The following SYT1 variants were observed in gnomAD, a reference collection of about 807,000 sequenced individuals.
The protein encoded by SYT1 is synaptotagmin-1.
A neutral mutation model predicts 44.8 loss-of-function variants in SYT1; 8 were observed. The observed-to-expected ratio is 0.18, with a 90% CI of 0.10 to 0.32. SYT1 has a LOEUF of 0.32. Among genes scored for constraint, SYT1 ranks in the 10% least tolerant of loss-of-function variants. The pLI, the probability that SYT1 is intolerant of heterozygous loss-of-function variation, is 1.00. For synonymous variants in SYT1, 154 were observed against 188.8 expected (o/e 0.82, Z 1.51); for missense variants, 286 against 509.3 (o/e 0.56, Z 4.22).
intron 3 of SYT1, among the ~76,000 whole-genome samples, chr12:79,052,595 G>A (rs890282179): frequency 6.6e-6 from 1 of 152,082 alleles, no homozygotes; most frequent in African/African-American, 2.4e-5. Context: ...GAAAATTTTT[G>A]CAATCTACTC....
intron 3 of SYT1, among the ~76,000 whole-genome samples, chr12:79,066,479 A>G (rs1592717274): frequency 8.4e-6 from 1 of 118,668 alleles, no homozygotes; most frequent in African/African-American, 3.4e-5. Context: ...TCTTGGTTTG[A>G]AAAAAAAAAT....
At chr12:79,412,515 A>G (rs1868494053) in intron 9 of SYT1, among the ~76,000 whole-genome samples, 1 of 152,106 alleles carries the variant, frequency 6.6e-6, no homozygotes, top group Non-Finnish European at 1.5e-5. Context: ...GAGTCAGTTA[A>G]TAATTGCCTG....
intron 1 of SYT1, among the ~76,000 whole-genome samples, chr12:78,956,724 T>C (rs534944191): frequency 3.3e-5 from 5 of 151,972 alleles, no homozygotes; most frequent in Non-Finnish European, 7.4e-5. Flanking sequence ...TTATGGAAAA[T>C]GTAGTTAAAA....
intron 9 of SYT1, among the ~76,000 whole-genome samples, chr12:79,386,890 T>C (rs1419721580): frequency 6.6e-6 from 1 of 152,178 alleles, no homozygotes; most frequent in African/African-American, 2.4e-5. Flanking sequence ...ACTCTCCTTA[T>C]CTTTCTTGCT....
chr12:79,393,860 A>C (rs1884767481), intron 9 of SYT1: 1 of 152,068 alleles, frequency 6.6e-6, no homozygotes, highest in South Asian at 2.1e-4. Flanking sequence ...GCATTTCTTT[A>C]AGCTTCTCTG....
intron 9 of SYT1, among the ~76,000 whole-genome samples, chr12:79,441,541 C>T (rs995569427): frequency 1.3e-5 from 2 of 152,098 alleles, no homozygotes; most frequent in African/African-American, 4.8e-5. Context: ...TCTCAAACTC[C>T]TAACCTCAGG....
chr12:79,188,450 A>G (rs901382477), intron 3 of SYT1, among the ~76,000 whole-genome samples: 9 of 152,100 alleles, frequency 5.9e-5, no homozygotes, highest in Non-Finnish European at 1.0e-4. Flanking sequence ...AAATGGTGTA[A>G]TTTGGATTTT....
At chr12:79,156,200 G>A (rs1870582114) in intron 3 of SYT1, among the ~76,000 whole-genome samples, 1 of 152,128 alleles carries the variant, frequency 6.6e-6, no homozygotes. Context: ...TGACAGAATT[G>A]TGAAGCTAAT....
At chr12:79,205,258 G>A (rs1041308804) in intron 3 of SYT1, among the ~76,000 whole-genome samples, 22 of 152,082 alleles carry the variant, frequency 1.4e-4, no homozygotes, top group African/African-American at 3.1e-4. Flanking sequence ...CACCGCACCC[G>A]GCCTCCTGTT....
At chr12:79,207,411 T>TG (rs1874188307) in intron 3 of SYT1, among the ~76,000 whole-genome samples, 1 of 152,222 alleles carries the variant, frequency 6.6e-6, no homozygotes, top group Admixed American at 6.5e-5. Context: ...GTACAGGACA[T>TG]GCAGCTTTGT....
intron 9 of SYT1, among the ~76,000 whole-genome samples, chr12:79,441,749 T>C (rs1870434781): frequency 6.6e-6 from 1 of 152,172 alleles, no homozygotes; most frequent in Non-Finnish European, 1.5e-5. Flanking sequence ...ACCGTCTACC[T>C]CTCTTCCCCC....
In SYT1 at chr12:79,346,209, T is replaced by G. The variant is rs563433469; in HGVS notation, c.811-7293T>G. The stretch of plus-strand genomic sequence containing the variant: ...CATTTTAAATCAAGCTTTTTATTTA[T>G]CCATTGGAGATGACCTCTGTTCTAA... On this transcript the variant is annotated intron_variant, in intron 8 of 10. Coordinates refer to ENST00000261205, the MANE Select transcript of SYT1 (RefSeq NM_005639.3). Among the ~76,000 whole-genome samples the G allele has an allele frequency of 3.3e-5, 5 of 152,346 alleles. No individual in the cohort carries two copies. The East Asian group carries it at 9.6e-4, about 29-fold the overall frequency.
chr12:79,045,523 G>A (rs1873975522), intron 2 of SYT1: 1 of 157,442 alleles, frequency 6.4e-6, no homozygotes. Flanking sequence ...CCACTGTCTG[G>A]CACTCCCTAG....
intron 3 of SYT1, among the ~76,000 whole-genome samples, chr12:79,051,863 C>T (rs1459886228): frequency 6.6e-6 from 1 of 151,956 alleles, no homozygotes; most frequent in Non-Finnish European, 1.5e-5. Flanking sequence ...TTTCTGAGGG[C>T]TCTGTTCTGT....
intron 2 of SYT1, among the ~76,000 whole-genome samples, chr12:79,029,358 TA>T (rs199597216): frequency 0.047 from 6,189 of 132,946 alleles, 156 homozygotes; most frequent in African/African-American, 0.088. Context: ...TACAAATCAG[TA>T]AAAAAAAAAA....
intron 9 of SYT1, among the ~76,000 whole-genome samples, chr12:79,375,838 C>T (rs1883973077): frequency 6.6e-6 from 1 of 151,970 alleles, no homozygotes; most frequent in Non-Finnish European, 1.5e-5. Context: ...CTCAAAAGTA[C>T]CTGATGAATA....
intron 9 of SYT1, chr12:79,392,808 T>A (rs1884716151): frequency 6.6e-6 from 1 of 151,084 alleles, no homozygotes; most frequent in South Asian, 2.1e-4. Context: ...CTTTTTTTTT[T>A]TTTTTTTTAG....
intron 1 of SYT1, among the ~76,000 whole-genome samples, chr12:78,921,833 TGA>T (rs926185638): frequency 9.2e-5 from 14 of 151,796 alleles, no homozygotes; most frequent in Non-Finnish European, 1.8e-4. Flanking sequence ...GAGACACGGG[TGA>T]GAGAGACAAA....
chr12:79,315,813 A>G (rs2138957602), intron 8 of SYT1, among the ~76,000 whole-genome samples: 1 of 152,280 alleles, frequency 6.6e-6, no homozygotes, highest in Middle Eastern at 3.4e-3. Flanking sequence ...CTCAAGATGT[A>G]AATGCCAGTT....
Sources: gnomAD v4.1 joint callset for allele counts (sites outside exome capture counted in the v4.1 genomes callset) on GRCh38, gnomAD v4.1.1 for gene constraint, MANE v1.5 for transcripts, NCBI Gene and HGNC (gene_info 2026-07-23, HGNC 2026-07-21) for gene names.